Variants in HPSE2 observed in about 807,000 individuals in gnomAD.
HPSE2 encodes inactive heparanase-2.
Under a neutral mutation model 60.5 loss-of-function variants are expected in HPSE2, and 38 were observed. The observed-to-expected ratio is 0.63, with a 90% CI of 0.48 to 0.82. The LOEUF (loss-of-function observed/expected upper bound fraction) is 0.82, where lower values mean the gene tolerates loss of function less well. Among genes scored for constraint, HPSE2 ranks in the 40% least tolerant of loss-of-function variants. The probability of loss-of-function intolerance (pLI) is 0.00; values close to 1 mark genes in which losing one functional copy is unlikely to be tolerated. For synonymous variants in HPSE2, 295 were observed against 293.2 expected (o/e 1.01, Z -0.06); for missense variants, 713 against 740.4 (o/e 0.96, Z 0.43).
At chr10:98,990,574 G>C (rs79000405) in intron 3 of HPSE2, among the ~76,000 whole-genome samples, 197 of 152,346 alleles carry the variant, frequency 1.3e-3, no homozygotes, top group Non-Finnish European at 2.6e-3. Flanking sequence ...CTGTGGCCTG[G>C]AGGTTGGGGA....
rs138916168 is a variant in HPSE2, at chr10:99,149,036, T to C, written c.449-4637A>G. Among the ~76,000 whole-genome samples, 565 of 151,484 alleles carry C rather than the reference T, an allele frequency of 3.7e-3. 3 individuals are homozygous for C. Among genetic ancestry groups the C allele is most frequent in the African/African-American group, 0.013 (541 of 41,312 alleles). On this transcript the variant is annotated intron_variant, in intron 2 of 11. Transcript: ENST00000370552. ...ACTATTGAAGTTTAAAAAATAAATA[T>C]ATATATTTATACAAAAAAAAATAGC...
chr10:99,258,921 C>T, the HPSE2 span, among the ~76,000 whole-genome samples: 3 of 152,258 alleles, frequency 2.0e-5, no homozygotes, highest in South Asian at 4.1e-4. Context: ...TTGAAGAAAA[C>T]ATAGAAGTTC....
At chr10:98,575,178 A>G (rs745932277) in intron 9 of HPSE2, among the ~76,000 whole-genome samples, 3 of 152,108 alleles carry the variant, frequency 2.0e-5, no homozygotes, top group Non-Finnish European at 4.4e-5. Flanking sequence ...AGAAGAATTT[A>G]CCTTCATTTT....
At chr10:99,058,027 G>A (rs557745033) in intron 3 of HPSE2, among the ~76,000 whole-genome samples, 1 of 152,288 alleles carries the variant, frequency 6.6e-6, no homozygotes, top group South Asian at 2.1e-4. Flanking sequence ...GCTCATGGAG[G>A]GGAATGATAA....
At chr10:98,781,228 T>C (rs896483532) in intron 3 of HPSE2, among the ~76,000 whole-genome samples, 2 of 150,392 alleles carry the variant, frequency 1.3e-5, no homozygotes, top group Non-Finnish European at 3.0e-5. Flanking sequence ...TTGGCTACCA[T>C]ACCCAAAATT....
intron 3 of HPSE2, among the ~76,000 whole-genome samples, chr10:98,907,637 A>G (rs1953860769): frequency 6.6e-6 from 1 of 152,208 alleles, no homozygotes; most frequent in Non-Finnish European, 1.5e-5. Flanking sequence ...ATGATGGTAT[A>G]GTAGACTTTG....
At chr10:98,819,079 G>A (rs370375031) in intron 3 of HPSE2, among the ~76,000 whole-genome samples, 1 of 152,166 alleles carries the variant, frequency 6.6e-6, no homozygotes, top group African/African-American at 2.4e-5. Context: ...GCCTGGACAC[G>A]GAGTAGGGGG....
chr10:98,692,925 G>A (rs931425932), intron 6 of HPSE2, among the ~76,000 whole-genome samples: 1 of 152,166 alleles, frequency 6.6e-6, no homozygotes, highest in African/African-American at 2.4e-5. Context: ...TTTAGGTGGG[G>A]AACTTTTCTT....
intron 3 of HPSE2, among the ~76,000 whole-genome samples, chr10:98,952,227 G>A (rs543845587): frequency 5.3e-5 from 8 of 152,042 alleles, no homozygotes; most frequent in South Asian, 2.1e-4. Context: ...TGTTTTTCCC[G>A]TGGCTCTGCC....
In HPSE2 at chr10:98,700,897, C is replaced by G. The variant is rs1310406620; in HGVS notation, c.957-6950G>C. On this transcript the variant is annotated intron_variant, in intron 5 of 11. Coordinates refer to ENST00000370552, the MANE Select transcript of HPSE2 (RefSeq NM_021828.5). ...AAAAAACACATGAAAAAATGCTCAC[C>G]ATCACTGGCCATCAGAGAAATGCAA... 6.1e-5 allele frequency among the ~76,000 whole-genome samples: 4 copies of G among 66,068 alleles called. 2 individuals are homozygous for G. In the Admixed American group the frequency reaches 7.5e-4, roughly 12 times the overall value. The allele number at this position is 66,068 out of a possible 152,430, so 43.3% of individuals were successfully genotyped here.
At chr10:99,089,667 G>A (rs10883257) in intron 3 of HPSE2, among the ~76,000 whole-genome samples, 74,658 of 151,646 alleles carry the variant, frequency 0.49, 20,791 homozygotes, top group East Asian at 0.65. Flanking sequence ...TCTTTTTTTT[G>A]GCTCCATATG....
chr10:99,253,452 C>T, the HPSE2 span, among the ~76,000 whole-genome samples: 1 of 152,316 alleles, frequency 6.6e-6, no homozygotes, highest in South Asian at 2.1e-4. Context: ...AAGAATGAAA[C>T]TGGACCCCTA....
At chr10:98,859,495 G>C (rs1952401587) in intron 3 of HPSE2, among the ~76,000 whole-genome samples, 1 of 152,136 alleles carries the variant, frequency 6.6e-6, no homozygotes, top group Admixed American at 6.6e-5. Context: ...AATCCTTTGA[G>C]AGCCCAAATA....
At chr10:98,983,763 C>A (rs374575883) in intron 3 of HPSE2, among the ~76,000 whole-genome samples, 36 of 152,116 alleles carry the variant, frequency 2.4e-4, no homozygotes, top group Non-Finnish European at 4.9e-4. Context: ...GGGTGACAGA[C>A]GGCACCTGGA....
intron 3 of HPSE2, among the ~76,000 whole-genome samples, chr10:99,008,857 A>C (rs1956946948): frequency 6.6e-6 from 1 of 152,124 alleles, no homozygotes; most frequent in African/African-American, 2.4e-5. Context: ...AGTTTTGATA[A>C]GCTTTTCTTA....
chr10:98,574,068 T>G (rs2485029), intron 9 of HPSE2, among the ~76,000 whole-genome samples: 127,860 of 149,502 alleles, frequency 0.86, 55,586 homozygotes, highest in East Asian at 1. Context: ...CCCTCACGCC[T>G]AGGAAACTAC....
At chr10:98,674,853 T>C (rs1176202649) in intron 6 of HPSE2, among the ~76,000 whole-genome samples, 2 of 151,954 alleles carry the variant, frequency 1.3e-5, no homozygotes, top group African/African-American at 2.4e-5. Context: ...ACCTGGGAAG[T>C]GGAGGCTGCA....
chr10:98,688,296 C>T (rs190689478), intron 6 of HPSE2, among the ~76,000 whole-genome samples: 16 of 151,960 alleles, frequency 1.1e-4, no homozygotes, highest in Admixed American at 9.8e-4. Context: ...CCCCATAATA[C>T]AATTTATATT....
chr10:99,121,055 T>G (rs1844932945), intron 3 of HPSE2, among the ~76,000 whole-genome samples: 7 of 152,082 alleles, frequency 4.6e-5, no homozygotes, highest in Admixed American at 4.6e-4. Context: ...AAAATCAACC[T>G]AAATGCCCAT....
Sources: gnomAD v4.1 joint callset for allele counts (sites outside exome capture counted in the v4.1 genomes callset) on GRCh38, gnomAD v4.1.1 for gene constraint, MANE v1.5 for transcripts, NCBI Gene and HGNC (gene_info 2026-07-23, HGNC 2026-07-21) for gene names.